LRRC37A2: variants seen among roughly 807,000 people sequenced by gnomAD.
LRRC37A2 encodes the protein leucine rich repeat containing 37 member A2.
In LRRC37A2, 9 loss-of-function variants were observed where a neutral mutation model predicts 68.8. The ratio of observed to expected loss-of-function variants is 0.13; its 90% confidence interval spans 0.08 to 0.23. LRRC37A2 has a LOEUF of 0.23. LRRC37A2 is among the 10% of genes least tolerant of loss of function. LRRC37A2 has a pLI of 1.00. For synonymous variants in LRRC37A2, 63 were observed against 367.6 expected, an observed-to-expected ratio of 0.17 and a Z score of 9.48; for missense variants, 168 against 950.4, an observed-to-expected ratio of 0.18 and a Z score of 10.82.
chr17:46,905,921 C>T, the LRRC37A2 span, among the ~76,000 whole-genome samples: 7 of 152,098 alleles, frequency 4.6e-5, no homozygotes, highest in South Asian at 2.1e-4. Flanking sequence ...GGAAAGACCC[C>T]GCCCAGCAAT....
At chr17:46,894,380 T>C in the LRRC37A2 span, among the ~76,000 whole-genome samples, 1 of 152,226 alleles carries the variant, frequency 6.6e-6, no homozygotes, top group South Asian at 2.1e-4. Flanking sequence ...ACCTTGGGTT[T>C]TGCCAGGCCT....
At chr17:46,790,556 T>C in the LRRC37A2 span, among the ~76,000 whole-genome samples, 1 of 152,090 alleles carries the variant, frequency 6.6e-6, no homozygotes, top group African/African-American at 2.4e-5. Context: ...CTGGGTCCTC[T>C]GCCCTCCCCC....
chr17:46,889,159 C>T, the LRRC37A2 span, among the ~76,000 whole-genome samples: 2 of 152,088 alleles, frequency 1.3e-5, no homozygotes, highest in South Asian at 4.1e-4. Context: ...CCCATGGAGG[C>T]ATGAATAAGA....
the LRRC37A2 span, among the ~76,000 whole-genome samples, chr17:46,690,624 A>AAAATAT: frequency 7.1e-4 from 79 of 110,918 alleles, 1 homozygote; most frequent in Middle Eastern, 4.5e-3. Flanking sequence ...AAAAAAAAAA[A>AAAATAT]ATATATATAT....
chr17:46,987,221 C>A, the LRRC37A2 span, among the ~76,000 whole-genome samples: 1 of 152,004 alleles, frequency 6.6e-6, no homozygotes, highest in Admixed American at 6.6e-5. Context: ...CCAGCCTGGG[C>A]AACAGAGTGA....
At chr17:46,913,626 C>T in the LRRC37A2 span, among the ~76,000 whole-genome samples, 1 of 152,092 alleles carries the variant, frequency 6.6e-6, no homozygotes, top group Admixed American at 6.5e-5. Flanking sequence ...GTTAGGATGG[C>T]GGAAATGACC....
the LRRC37A2 span, among the ~76,000 whole-genome samples, chr17:47,026,740 G>A: frequency 6.6e-6 from 1 of 152,146 alleles, no homozygotes; most frequent in Non-Finnish European, 1.5e-5. Flanking sequence ...CTATTAATAT[G>A]ATAGAAATTA....
At chr17:46,713,062 G>T in the LRRC37A2 span, 2 of 152,256 alleles carry the variant, frequency 1.3e-5, no homozygotes, top group African/African-American at 4.8e-5. Context: ...AGCAGCCAGT[G>T]TAAATAATTA....
chr17:46,781,803 G>A, the LRRC37A2 span, among the ~76,000 whole-genome samples: 1 of 152,156 alleles, frequency 6.6e-6, no homozygotes, highest in African/African-American at 2.4e-5. Context: ...TGTGCAGGAC[G>A]AAATTCCAGA....
the LRRC37A2 span, chr17:46,728,806 T>A: frequency 2.5e-6 from 3 of 1,201,874 alleles, no homozygotes; most frequent in Non-Finnish European, 3.5e-6. Flanking sequence ...ATGTTTGGAA[T>A]ATGTACATGT....
the LRRC37A2 span, among the ~76,000 whole-genome samples, chr17:46,992,834 C>T: frequency 5.8e-5 from 5 of 86,376 alleles, no homozygotes; most frequent in Non-Finnish European, 1.0e-4. Context: ...GCCTGGGAGA[C>T]AAGAGTGAAA....
chr17:46,535,032 C>T (rs2054450259), intron 6 of LRRC37A2, among the ~76,000 whole-genome samples: 1 of 149,734 alleles, frequency 6.7e-6, no homozygotes, highest in East Asian at 2.0e-4. Flanking sequence ...AGAGGCGCTC[C>T]TCACATCCCA....
chr17:46,859,643 C>T, the LRRC37A2 span, among the ~76,000 whole-genome samples: 1 of 152,152 alleles, frequency 6.6e-6, no homozygotes. Context: ...TCTAACTGTG[C>T]ACTATTTTTT....
the LRRC37A2 span, chr17:46,875,174 C>T: frequency 2.0e-5 from 32 of 1,613,914 alleles, no homozygotes; most frequent in African/African-American, 8.0e-5. Context: ...GGGCCTGCAG[C>T]GCTGGGCGCA....
chr17:46,818,455 C>T, the LRRC37A2 span: 3 of 1,530,114 alleles, frequency 2.0e-6, no homozygotes, highest in Non-Finnish European at 2.7e-6. Context: ...CCAGCCGGCG[C>T]CCCCACCTTC....
At chr17:46,936,493 G>A in the LRRC37A2 span, 32 of 985,498 alleles carry the variant, frequency 3.2e-5, no homozygotes, top group Non-Finnish European at 3.7e-5. Context: ...GCTACCTGGT[G>A]TTTGTCTCTT....
chr17:46,941,064 T>C, the LRRC37A2 span: 1 of 1,080,868 alleles, frequency 9.3e-7, no homozygotes, highest in Non-Finnish European at 1.1e-6. Context: ...GTAGCCAGCC[T>C]CTGTGACCTT....
chr17:46,736,836 G>A, the LRRC37A2 span, among the ~76,000 whole-genome samples: 36 of 152,166 alleles, frequency 2.4e-4, 1 homozygote, highest in Non-Finnish European at 4.0e-4. Flanking sequence ...GGGTTTTGGA[G>A]TAAAAGTGTG....
the LRRC37A2 span, among the ~76,000 whole-genome samples, chr17:46,888,816 G>C: frequency 1.3e-5 from 2 of 152,270 alleles, no homozygotes; most frequent in African/African-American, 4.8e-5. Flanking sequence ...CAATGCACCT[G>C]GTGCTGTGCA....
Sources: gnomAD v4.1 joint callset for allele counts (sites outside exome capture counted in the v4.1 genomes callset) on GRCh38, gnomAD v4.1.1 for gene constraint, MANE v1.5 for transcripts, NCBI Gene and HGNC (gene_info 2026-07-23, HGNC 2026-07-21) for gene names.